INTS8: variants seen among roughly 807,000 people sequenced by gnomAD.
INTS8 encodes protein kaonashi-1.
INTS8 carries 47 observed loss-of-function variants against 138.9 expected under a neutral mutation model. The ratio of observed to expected loss-of-function variants is 0.34; its 90% CI spans 0.27 to 0.43. INTS8 has a LOEUF of 0.43. Among genes scored for constraint, INTS8 ranks in the 20% least tolerant of loss-of-function variants. The probability of loss-of-function intolerance (pLI) is 1.00; values close to 1 mark genes in which losing one functional copy is unlikely to be tolerated. For synonymous variants in INTS8, 392 were observed against 400.9 expected, an observed-to-expected ratio of 0.98 and a Z score of 0.27; for missense variants, 996 against 1,173.0, an observed-to-expected ratio of 0.85 and a Z score of 2.20.
chr8:94,844,596 C>G (rs925121664), intron 10 of INTS8, among the ~76,000 whole-genome samples: 11 of 152,140 alleles, frequency 7.2e-5, no homozygotes, highest in African/African-American at 2.7e-4. Flanking sequence ...GGATTACAGG[C>G]ATGAGCCGTG....
rs375283462 is a variant in INTS8, at chr8:94,854,276, C to A, written c.1752+361C>A. Among the ~76,000 whole-genome samples, 7 of 151,404 alleles carry A rather than the reference C, an allele frequency of 4.6e-5. No homozygotes were observed. In the South Asian group the frequency reaches 1.5e-3, roughly 32 times the overall value. On this transcript the variant is annotated intron_variant, in intron 14 of 26. Transcript: ENST00000523731. ...GCAGGAAGTCAGGAACCAGAACTTA[C>A]CTTTTCCTAATCTTTTCCTAATCTT...
chr8:94,868,046 C>T (rs2131064427), intron 20 of INTS8, among the ~76,000 whole-genome samples: 1 of 152,242 alleles, frequency 6.6e-6, no homozygotes, highest in East Asian at 1.9e-4. Context: ...AAAAGGCTCC[C>T]AATCTCTTTT....
chr8:94,841,111 C>A (rs145465316), intron 8 of INTS8, among the ~76,000 whole-genome samples: 136 of 152,010 alleles, frequency 8.9e-4, no homozygotes, highest in African/African-American at 3.1e-3. Flanking sequence ...CGGGATTTCA[C>A]CATGTTGGCC....
chr8:94,842,475 A>T lies in INTS8; in HGVS notation c.1247A>T (p.Asp416Val). The T allele has an allele frequency of 6.2e-7, 1 of 1,601,806 alleles. No individual in the cohort carries two copies. Among genetic ancestry groups the T allele is most frequent in the Non-Finnish European group, 8.5e-7 (1 of 1,173,062 alleles). The change falls in exon 10 of 27, where the codon GAC becomes GTC. Residue 416 changes from aspartate to valine, a missense_variant. By Grantham distance (152) the Asp-to-Val change is radical (BLOSUM62 -3). Coordinates refer to ENST00000523731, the MANE Select transcript of INTS8 (RefSeq NM_017864.4). Reference sequence around the variant, plus strand: ...CTTAGACCAAATAAAGAGAAAATAGACTTTCTTCTTGAGGTATGACATGTT... The same window carrying T: ...CTTAGACCAAATAAAGAGAAAATAGTCTTTCTTCTTGAGGTATGACATGTT... ...LFLRPNKEKI[D>V]FLLEVCSRSV...
Position 94,881,491 on chromosome 8 carries a change from T to G in INTS8, c.*1257T>G. The G allele has an allele frequency of 1.3e-6, 1 of 750,252 alleles. No homozygotes were observed. The highest frequency in any genetic ancestry group is 2.2e-6 in the Non-Finnish European group (1 of 463,204). 46.5% of individuals were successfully genotyped at this position (750,252 alleles called of 1,614,324 possible). A position where few individuals can be genotyped will look rare whatever the true frequency, so the allele number is the denominator to read the frequency against. On this transcript the variant is annotated 3_prime_UTR_variant, in exon 27 of 27. Transcript: ENST00000523731. ...ATTCTTTAGTGCCAATTGTAAGTTT[T>G]AAAATCAGAATGGCAGTGTAACTTG...
intron 8 of INTS8, among the ~76,000 whole-genome samples, chr8:94,840,638 A>G (rs1432780334): frequency 6.7e-6 from 1 of 150,188 alleles, no homozygotes; most frequent in Non-Finnish European, 1.5e-5. Context: ...GTTCACTGCA[A>G]CCTCTGCTGC....
In INTS8 at chr8:94,880,401, A is replaced by C; in HGVS notation, c.*167A>C. On this transcript the variant is annotated 3_prime_UTR_variant, in exon 27 of 27. Coordinates refer to ENST00000523731, the MANE Select transcript of INTS8 (RefSeq NM_017864.4). ...AAAAACAAACTATACAGAAGACTTC[A>C]TACCGTAACAATAAATGTATAGTTT... The C allele has an allele frequency of 2.4e-6, 1 of 421,308 alleles. No homozygotes were observed. The highest frequency in any genetic ancestry group is 5.6e-5 in the South Asian group (1 of 17,852). The allele number at this position is 421,308 out of a possible 1,614,324, so 26.1% of individuals were successfully genotyped here.
chr8:94,861,006 G>A (rs1284398040), intron 16 of INTS8, among the ~76,000 whole-genome samples: 2 of 146,728 alleles, frequency 1.4e-5, no homozygotes, highest in Admixed American at 6.8e-5. Flanking sequence ...GCAGTGAGCC[G>A]AGATGGCGCC....
intron 18 of INTS8, chr8:94,866,936 A>T: frequency 2.0e-6 from 1 of 490,908 alleles, no homozygotes; most frequent in Non-Finnish European, 3.7e-6. Flanking sequence ...AATTTTATGT[A>T]AATTATGTGC....
In INTS8 at chr8:94,881,220, T is replaced by TAACA. The variant is rs1243508270; in HGVS notation, c.*988_*991dup. The TAACA allele has an allele frequency of 1.1e-5, 4 of 367,196 alleles. No homozygotes were observed. In the Admixed American group the frequency reaches 1.4e-4, roughly 13 times the overall value. The allele number at this position is 367,196 out of a possible 1,614,324, so 22.7% of individuals were successfully genotyped here. A position where few individuals can be genotyped will look rare whatever the true frequency, so the allele number is the denominator to read the frequency against. On this transcript the variant is annotated 3_prime_UTR_variant, in exon 27 of 27. Transcript: ENST00000523731. ...CAAGAGTGTAGGAATTTTGAGAATC[T>TAACA]AACAACTAGATTCAAAGTACTGTAT... is the stretch of plus-strand genomic sequence containing the variant.
rs73697041 is a variant in INTS8, at chr8:94,833,437, C to T, written c.753+1263C>T. Reference sequence around the variant, plus strand: ...CTCCCTATGTTGCCCAGGCTGGTCTCGGAACTCCTGGGCTCAAGGGATCCT... The same window carrying T: ...CTCCCTATGTTGCCCAGGCTGGTCTTGGAACTCCTGGGCTCAAGGGATCCT... On this transcript the variant is annotated intron_variant, in intron 6 of 26. Coordinates refer to ENST00000523731, the MANE Select transcript of INTS8 (RefSeq NM_017864.4). Among the ~76,000 whole-genome samples the T allele has an allele frequency of 8.6e-4, 131 of 151,532 alleles. 2 individuals are homozygous for T. Among genetic ancestry groups the T allele is most frequent in the Admixed American group, 2.8e-3 (43 of 15,240 alleles).
At position 94,823,351 on chromosome 8, in the gene INTS8, C is replaced by T. The variant is rs1235470625; in HGVS notation, c.-81C>T. On this transcript the variant is annotated 5_prime_UTR_variant, in exon 1 of 27. Transcript: ENST00000523731. ...GTGGCCTCTCTCCCACCGGGTTCCGCATACCCCAGGCACCGGCCCGCATCC... is the reference window on the plus strand; with the variant it reads ...GTGGCCTCTCTCCCACCGGGTTCCGTATACCCCAGGCACCGGCCCGCATCC... 2.0e-6 allele frequency: 3 copies of T among 1,508,188 alleles called. No individual in the cohort carries two copies. Among genetic ancestry groups the T allele is most frequent in the Non-Finnish European group, 2.7e-6 (3 of 1,131,960 alleles). The allele number at this position is 1,508,188 out of a possible 1,614,324, so 93.4% of individuals were successfully genotyped here.
intron 15 of INTS8, among the ~76,000 whole-genome samples, chr8:94,857,365 C>T (rs983430086): frequency 7.2e-5 from 11 of 152,084 alleles, no homozygotes; most frequent in South Asian, 4.2e-4. Flanking sequence ...AGCCACCATG[C>T]CCAGCTGAGT....
chr8:94,856,594 TTAAA>T (rs1300114249), intron 14 of INTS8, among the ~76,000 whole-genome samples, 179 bp from the exon 15 acceptor site: 1 of 152,198 alleles, frequency 6.6e-6, no homozygotes, highest in Non-Finnish European at 1.5e-5. Context: ...TACAAAGTTA[TTAAA>T]TATTTTTTGG....
intron 26 of INTS8, among the ~76,000 whole-genome samples, chr8:94,877,629 G>A (rs1010399774): frequency 1.2e-4 from 18 of 152,090 alleles, no homozygotes; most frequent in Admixed American, 6.5e-4. Context: ...GTCAAAAGAC[G>A]TGAGGAATTT....
At chr8:94,861,569 T>C (rs1188007150) in intron 16 of INTS8, among the ~76,000 whole-genome samples, 1 of 151,080 alleles carries the variant, frequency 6.6e-6, no homozygotes, top group Non-Finnish European at 1.5e-5. Flanking sequence ...CCCTTTTTTT[T>C]GAGACGGAGT....
At chr8:94,868,943 A>G (rs1816282889) in intron 20 of INTS8, 1 of 149,456 alleles carries the variant, frequency 6.7e-6, no homozygotes, top group Non-Finnish European at 1.5e-5. Context: ...GAGCTCTGGA[A>G]TTATAGGCGT....
intron 10 of INTS8, among the ~76,000 whole-genome samples, chr8:94,846,062 C>G (rs2131023340): frequency 6.6e-6 from 1 of 152,144 alleles, no homozygotes; most frequent in Non-Finnish European, 1.5e-5. Flanking sequence ...CCATAGAAGT[C>G]TTAAATTTTT....
At position 94,881,442 on chromosome 8, in the gene INTS8, C is replaced by T. The variant is rs1376289531; in HGVS notation, c.*1208C>T. The T allele has an allele frequency of 1.7e-5, 10 of 579,682 alleles. No individual in the cohort carries two copies. The highest frequency in any genetic ancestry group is 3.0e-5 in the Non-Finnish European group (10 of 336,848). 35.9% of individuals were successfully genotyped at this position (579,682 alleles called of 1,614,324 possible). A position where few individuals can be genotyped will look rare whatever the true frequency, so the allele number is the denominator to read the frequency against. On this transcript the variant is annotated 3_prime_UTR_variant, in exon 27 of 27. Transcript: ENST00000523731. ...ACAAGTCCTGCTGTTTCTTTAACAGCTAACATAGGAAATAATTAAATGTAT... is the reference window on the plus strand; with the variant it reads ...ACAAGTCCTGCTGTTTCTTTAACAGTTAACATAGGAAATAATTAAATGTAT...
Sources: allele counts gnomAD v4.1 joint callset (sites outside exome capture counted in the v4.1 genomes callset), GRCh38; gene constraint gnomAD v4.1.1; transcripts MANE v1.5; gene names NCBI Gene and HGNC (gene_info 2026-07-23, HGNC 2026-07-21).